The following LACTB2 variants were observed in gnomAD, a reference collection of about 807,000 sequenced individuals.
LACTB2 encodes lactamase beta 2.
Under a neutral mutation model 34.8 loss-of-function variants are expected in LACTB2, and 32 were observed. The ratio of observed to expected loss-of-function variants is 0.92; its 90% CI spans 0.69 to 1.24. LACTB2 has a LOEUF of 1.24. LACTB2 is among the 50% of genes most tolerant of loss of function. The pLI is 0.00. For synonymous variants in LACTB2, 120 were observed against 117.5 expected (o/e 1.02, Z -0.14); for missense variants, 320 against 345.0 (o/e 0.93, Z 0.57).
chr8:70,668,849 G>C (rs1218508416), intron 1 of LACTB2, 150 bp downstream of exon 1: 2 of 966,006 alleles, frequency 2.1e-6, no homozygotes, highest in African/African-American at 1.8e-5. Flanking sequence ...CCGAGTGTCT[G>C]CGTGCAGTCC....
intron 5 of LACTB2, 44 bp from the exon 6 acceptor site, chr8:70,638,673 A>G (rs1294448300): frequency 9.0e-6 from 12 of 1,335,186 alleles, no homozygotes; most frequent in African/African-American, 7.8e-5. Context: ...TTTTTTTAAA[A>G]AAAAGAACAC....
chr8:70,661,119 T>G, intron 2 of LACTB2: 1 of 449,468 alleles, frequency 2.2e-6, no homozygotes, highest in South Asian at 1.6e-5. Flanking sequence ...CCTACTGGAA[T>G]GAAAGCTCCA....
chr8:70,653,431 G>A lies in LACTB2; in HGVS notation c.413+4325C>T, dbSNP rs561001264. ...AAAAGCATTATAAGGAAACTGCCTA[G>A]AAACTACATTTTGAAAATCACAGCA... On this transcript the variant is annotated intron_variant, in intron 3 of 6. Transcript: ENST00000276590. 4.2e-4 allele frequency among the ~76,000 whole-genome samples: 64 copies of A among 152,126 alleles called. 1 individual carries two copies. Among genetic ancestry groups the A allele is most frequent in the Non-Finnish European group, 6.3e-4 (43 of 68,008 alleles).
At chr8:70,662,898 G>A (rs1818497468) in intron 1 of LACTB2, 1 of 151,978 alleles carries the variant, frequency 6.6e-6, no homozygotes, top group African/African-American at 2.4e-5. Flanking sequence ...ATATTGCCCA[G>A]GCTGGTCTCT....
Position 70,657,829 on chromosome 8 carries a change from T to A in LACTB2, c.340A>T (p.Ile114Leu), listed in dbSNP as rs780641230. ...ACATATTGTTGCTCTCCATTTCCTA[T>A]AATTTCTTCTCTCTGAGGATTCCGT... ...LPRNPQREEI[I>L]GNGEQQYVYL... is the part of the protein sequence containing the mutation. The change falls in exon 3 of 7, where the codon ATA (isoleucine) becomes TTA (leucine). Residue 114 changes from isoleucine (I) to leucine (L), a missense_variant. Coordinates refer to ENST00000276590, the MANE Select transcript of LACTB2 (RefSeq NM_016027.3). The A allele has an allele frequency of 1.2e-6, 2 of 1,611,382 alleles. No homozygotes were observed. Among genetic ancestry groups the A allele is most frequent in the African/African-American group, 1.3e-5 (1 of 74,974 alleles).
rs1470584190 is a variant in LACTB2, at chr8:70,650,209, G to A, written c.414-5966C>T. ...TAGTTTAATTTAGAATACAAAACTCGTTTAGGCCAACCTTATATTAAAAAA... is the reference window on the plus strand; with the variant it reads ...TAGTTTAATTTAGAATACAAAACTCATTTAGGCCAACCTTATATTAAAAAA... On this transcript the variant is annotated intron_variant, in intron 3 of 6. Transcript: ENST00000276590. 3.3e-5 allele frequency among the ~76,000 whole-genome samples: 5 copies of A among 152,058 alleles called. No homozygotes were observed. In the South Asian group the frequency reaches 8.3e-4, roughly 25 times the overall value.
chr8:70,667,544 AGT>A (rs1271480220), intron 1 of LACTB2, among the ~76,000 whole-genome samples: 1 of 152,254 alleles, frequency 6.6e-6, no homozygotes, highest in Non-Finnish European at 1.5e-5. Context: ...TGTGAGCAAC[AGT>A]GTTAAGTAAT....
intron 3 of LACTB2, among the ~76,000 whole-genome samples, chr8:70,656,299 A>C (rs1818410756): frequency 6.6e-6 from 1 of 152,132 alleles, no homozygotes; most frequent in Non-Finnish European, 1.5e-5. Context: ...TATCTTCTGT[A>C]ATTTTTATAG....
rs996144256 is a variant in LACTB2, at chr8:70,669,178, G to A, written c.-58C>T. 8.8e-6 allele frequency: 14 copies of A among 1,590,100 alleles called. No individual in the cohort carries two copies. Among genetic ancestry groups the A allele is most frequent in the South Asian group, 5.7e-5 (5 of 87,908 alleles). ...ATCTGGATACTCCAGCGCGGAAGAA[G>A]CCAACAGGCCGGGGATAGCGAGTAG... On this transcript the variant is annotated 5_prime_UTR_variant, in exon 1 of 7. Coordinates refer to ENST00000276590, the MANE Select transcript of LACTB2 (RefSeq NM_016027.3).
intron 1 of LACTB2, 138 bp downstream of exon 1, chr8:70,668,861 G>A: frequency 1.7e-6 from 2 of 1,176,730 alleles, no homozygotes; most frequent in Non-Finnish European, 1.2e-6. Context: ...GTGCAGTCCC[G>A]ACGGGGCTGC....
At chr8:70,657,179 G>C (rs1019179595) in intron 3 of LACTB2, among the ~76,000 whole-genome samples, 14 of 152,152 alleles carry the variant, frequency 9.2e-5, no homozygotes, top group Non-Finnish European at 1.5e-5. Context: ...GCCCTGAATT[G>C]AATTGATAGG....
At chr8:70,650,735 C>CAAAAAAAAAAAAAACA (rs1818329096) in intron 3 of LACTB2, among the ~76,000 whole-genome samples, 1 of 46,206 alleles carries the variant, frequency 2.2e-5, no homozygotes, top group Non-Finnish European at 3.7e-5. Flanking sequence ...GACTCCATCT[C>CAAAAAAAAAAAAAACA]AAAAAAAAAA....
chr8:70,654,243 A>C (rs992011007), intron 3 of LACTB2, among the ~76,000 whole-genome samples: 1 of 152,186 alleles, frequency 6.6e-6, no homozygotes, highest in Non-Finnish European at 1.5e-5. Context: ...CAGGGAGACA[A>C]GTAGTGGAAA....
intron 3 of LACTB2, among the ~76,000 whole-genome samples, chr8:70,648,585 TA>T (rs1346169909): frequency 3.3e-5 from 5 of 151,644 alleles, no homozygotes; most frequent in African/African-American, 1.2e-4. Context: ...GAGAAAAAAA[TA>T]AAGTTAGAGT....
intron 1 of LACTB2, 23 bp downstream of exon 1, chr8:70,668,976 G>A: frequency 6.4e-7 from 1 of 1,567,336 alleles, no homozygotes; most frequent in South Asian, 1.2e-5. Context: ...CGAACGTTGG[G>A]GAGGTTGGAG....
chr8:70,640,891 C>T lies in LACTB2; in HGVS notation c.741+11G>A, dbSNP rs766043807. On this transcript the variant is annotated intron_variant, in intron 5 of 6. Transcript: ENST00000276590. Reference sequence around the variant, plus strand: ...TTGTGGCTACATACAAATAAGAAAACTGAAAATTACCTTGTAAATAATTTT... The same window carrying T: ...TTGTGGCTACATACAAATAAGAAAATTGAAAATTACCTTGTAAATAATTTT... The T allele has an allele frequency of 5.8e-6, 9 of 1,560,636 alleles. No individual in the cohort carries two copies. The highest frequency in any genetic ancestry group is 6.0e-6 in the Non-Finnish European group (7 of 1,157,526).
At chr8:70,665,410 G>T (rs1249032898) in intron 1 of LACTB2, among the ~76,000 whole-genome samples, 1 of 152,108 alleles carries the variant, frequency 6.6e-6, no homozygotes, top group Non-Finnish European at 1.5e-5. Flanking sequence ...CCTTGTTATA[G>T]GTATTTCATG....
rs545831186 is a variant in LACTB2 at position 70,668,989 on chromosome 8, G to C, written c.122+10C>G. On this transcript the variant is annotated intron_variant, in intron 1 of 6. Transcript: ENST00000276590. ...TGCGAACGTTGGGGAGGTTGGAGAG[G>C]GACGTTTACCTGGGGCCGGTCCCCA... 2.5e-6 allele frequency: 4 copies of C among 1,576,494 alleles called. No homozygotes were observed. The African/African-American group carries it at 5.4e-5, about 21-fold the overall frequency.
intron 4 of LACTB2, among the ~76,000 whole-genome samples, chr8:70,643,741 C>A (rs1818229018): frequency 6.6e-6 from 1 of 152,108 alleles, no homozygotes; most frequent in Admixed American, 6.5e-5. Flanking sequence ...TCTTGAACTC[C>A]TGACCTCATG....
Sources: allele counts gnomAD v4.1 joint callset (sites outside exome capture counted in the v4.1 genomes callset), GRCh38; gene constraint gnomAD v4.1.1; transcripts MANE v1.5; gene names NCBI Gene and HGNC (gene_info 2026-07-23, HGNC 2026-07-21).